FNBP1: variants seen among roughly 807,000 people sequenced by gnomAD.
FNBP1 encodes the protein formin binding protein 1, also known as formin-binding protein 1.
In FNBP1, 26 loss-of-function variants were observed where a neutral mutation model predicts 90.6. That is an observed-to-expected ratio of 0.29 (90% CI 0.21 to 0.40). The LOEUF is 0.40. Ranked by LOEUF, FNBP1 falls within the 10% of genes least tolerant of loss-of-function variation. FNBP1 has a pLI of 1.00. For synonymous variants in FNBP1, 260 were observed against 265.2 expected (o/e 0.98, Z 0.19); for missense variants, 635 against 768.0 (o/e 0.83, Z 2.05).
rs2048649166 is a variant in FNBP1 at position 129,966,416 on chromosome 9, G to A, written c.346-7863C>T. 1.3e-5 allele frequency among the ~76,000 whole-genome samples: 2 copies of A among 152,156 alleles called. No individual in the cohort carries two copies. The highest frequency in any genetic ancestry group is 6.6e-5 in the Admixed American group (1 of 15,266). The stretch of plus-strand genomic sequence containing the variant: ...TGGACAGCCTCACCAGCCACGGTAA[G>A]CATGTTGGAAGATTTAAGAAAGGAA... On this transcript the variant is annotated intron_variant, in intron 4 of 16. Coordinates refer to ENST00000446176, the MANE Select transcript of FNBP1 (RefSeq NM_015033.3). This position sits in a 1 kb window ranked among gnomAD's most constrained non-coding sequence, Gnocchi z 4.3.
intron 10 of FNBP1, among the ~76,000 whole-genome samples, chr9:129,917,940 C>T (rs1421025862): frequency 6.6e-6 from 1 of 152,186 alleles, no homozygotes; most frequent in African/African-American, 2.4e-5. Flanking sequence ...AGTATCTTTC[C>T]TACAAGGCAC....
At chr9:129,958,431 CA>C (rs35087922) in intron 5 of FNBP1, 59 bp downstream of exon 5, 32 of 1,231,678 alleles carry the variant, frequency 2.6e-5, no homozygotes, top group African/African-American at 1.2e-4. Flanking sequence ...GCCTCCGTCT[CA>C]AAAAAAAAGA....
intron 6 of FNBP1, among the ~76,000 whole-genome samples, chr9:129,941,544 C>T (rs1003399460): frequency 2.0e-5 from 3 of 152,142 alleles, no homozygotes; most frequent in Non-Finnish European, 2.9e-5. Context: ...CAGCCCGCTG[C>T]AGCCTCAACT....
rs777741397 is a variant in FNBP1, at chr9:129,927,248, C to T, written c.736G>A (p.Gly246Arg). 1.2e-6 allele frequency: 2 copies of T among 1,613,820 alleles called. No individual in the cohort carries two copies. Among genetic ancestry groups the T allele is most frequent in the African/African-American group, 1.3e-5 (1 of 74,934 alleles). Reference sequence around the variant, plus strand: ...TTTACTATTCCATCCAGGCACTTCCCAATGATTGGGATCACCTGCCGATCA... The same window carrying T: ...TTTACTATTCCATCCAGGCACTTCCTAATGATTGGGATCACCTGCCGATCA... Reference protein sequence around the residue: ...EVDRQVIPIIGKCLDGIVKAA... With the variant: ...EVDRQVIPIIRKCLDGIVKAA... The change falls in exon 8 of 17, where the codon GGG becomes AGG. Residue 246 changes from glycine (G) to arginine (R), a missense_variant. Coordinates refer to ENST00000446176, the MANE Select transcript of FNBP1 (RefSeq NM_015033.3).
intron 6 of FNBP1, among the ~76,000 whole-genome samples, chr9:129,932,453 C>T (rs1047833782): frequency 6.6e-6 from 1 of 152,052 alleles, no homozygotes; most frequent in African/African-American, 2.4e-5. Context: ...TTTCACTTCA[C>T]ACATTTTACT....
intron 9 of FNBP1, 75 bp from the exon 10 acceptor site, chr9:129,924,101 A>ATAATATTTGAAATCCAACGCAAGT: frequency 7.1e-7 from 1 of 1,418,430 alleles, no homozygotes; most frequent in Non-Finnish European, 9.3e-7. Flanking sequence ...TAAGCATCAA[A>ATAATATTTGAAATCCAACGCAAGT]TAATATTTGA....
In FNBP1 at chr9:129,888,430, C is replaced by T. The variant is rs908272266; in HGVS notation, c.*2109G>A. 6 of 232,616 alleles carry T rather than the reference C, an allele frequency of 2.6e-5. No homozygotes were observed. The highest frequency in any genetic ancestry group is 2.3e-4 in the Admixed American group (4 of 17,754). The allele number at this position is 232,616 out of a possible 1,614,324, so 14.4% of individuals were successfully genotyped here. ...GGGGACTGCCACACTCACCATGCACCTGTTGGTTTGCAGGGACAGAGGTGC... is the reference window on the plus strand; with the variant it reads ...GGGGACTGCCACACTCACCATGCACTTGTTGGTTTGCAGGGACAGAGGTGC... On this transcript the variant is annotated 3_prime_UTR_variant, in exon 17 of 17. Coordinates refer to ENST00000446176, the MANE Select transcript of FNBP1 (RefSeq NM_015033.3).
intron 3 of FNBP1, 45 bp from the exon 4 acceptor site, chr9:129,978,657 T>C: frequency 6.3e-7 from 1 of 1,578,370 alleles, no homozygotes; most frequent in Non-Finnish European, 8.6e-7. Flanking sequence ...CAAGGCCACA[T>C]TCATTCATAT....
At chr9:129,928,481 A>G (rs2042241473) in intron 7 of FNBP1, among the ~76,000 whole-genome samples, 1 of 152,098 alleles carries the variant, frequency 6.6e-6, no homozygotes, top group Non-Finnish European at 1.5e-5. Flanking sequence ...CAACATGGTG[A>G]AACCCCGTCT....
At chr9:129,916,036 G>GA in intron 10 of FNBP1, 56 bp from the exon 11 acceptor site, 1 of 1,186,346 alleles carries the variant, frequency 8.4e-7, no homozygotes, top group Non-Finnish European at 1.2e-6. Context: ...GAGAGAGAAA[G>GA]AGAAAAAAAA....
At chr9:129,898,195 C>T (rs1170445114) in intron 15 of FNBP1, among the ~76,000 whole-genome samples, 1 of 152,146 alleles carries the variant, frequency 6.6e-6, no homozygotes, top group Non-Finnish European at 1.5e-5. Context: ...CGATGACTTT[C>T]CTAAGGTACA....
At chr9:129,908,377 T>C (rs991631361) in intron 12 of FNBP1, among the ~76,000 whole-genome samples, 4 of 149,634 alleles carry the variant, frequency 2.7e-5, no homozygotes, top group Admixed American at 2.0e-4. Context: ...CTAGTTTTTT[T>C]CTTTTTTTTT....
intron 11 of FNBP1, among the ~76,000 whole-genome samples, chr9:129,914,761 A>ATG (rs2039973717): frequency 1.5e-5 from 1 of 65,062 alleles, no homozygotes; most frequent in African/African-American, 7.9e-5. Context: ...ATATGTCTAT[A>ATG]TATATATATA....
chr9:130,018,681 C>T (rs528155590), intron 1 of FNBP1, among the ~76,000 whole-genome samples: 102 of 151,920 alleles, frequency 6.7e-4, no homozygotes, highest in Non-Finnish European at 1.4e-3. Context: ...GACCTCAAGT[C>T]ACCCGCCCAT....
At chr9:129,989,427 G>A (rs562050118) in intron 2 of FNBP1, among the ~76,000 whole-genome samples, 8 of 152,136 alleles carry the variant, frequency 5.3e-5, no homozygotes, top group African/African-American at 1.9e-4. Context: ...TCCCCATAAA[G>A]CAAAGCTGGC....
chr9:129,962,049 T>A (rs139053426), intron 4 of FNBP1, among the ~76,000 whole-genome samples: 1 of 152,326 alleles, frequency 6.6e-6, no homozygotes, highest in African/African-American at 2.4e-5. Context: ...GCCACAAGGA[T>A]GTTCTGAGTG....
At chr9:129,993,388 G>A (rs2053510870) in intron 2 of FNBP1, among the ~76,000 whole-genome samples, 1 of 150,124 alleles carries the variant, frequency 6.7e-6, no homozygotes, top group South Asian at 2.1e-4. Flanking sequence ...TTCAAGCTTA[G>A]TTCTACCAAG....
At chr9:129,947,623 GTTAC>G (rs2045526783) in intron 6 of FNBP1, among the ~76,000 whole-genome samples, 2 of 151,010 alleles carry the variant, frequency 1.3e-5, no homozygotes, top group East Asian at 4.0e-4. Context: ...CCACCAGTGA[GTTAC>G]TTTTTTTTTT....
chr9:129,914,951 T>C (rs772708610), intron 11 of FNBP1: 4 of 448,408 alleles, frequency 8.9e-6, no homozygotes, highest in African/African-American at 6.1e-5. Context: ...ATATTTGAAG[T>C]ATAGTTATAG....
Sources: allele counts gnomAD v4.1 joint callset (sites outside exome capture counted in the v4.1 genomes callset), GRCh38; gene constraint gnomAD v4.1.1; non-coding constraint Gnocchi (gnomAD v3.1); transcripts MANE v1.5; gene names NCBI Gene and HGNC (gene_info 2026-07-23, HGNC 2026-07-21).